The following CCSER1 variants were observed in gnomAD, a reference collection of about 807,000 sequenced individuals.
CCSER1 encodes coiled-coil serine rich protein 1.
In CCSER1, 41 loss-of-function variants were observed where a neutral mutation model predicts 82.0. The ratio of observed to expected loss-of-function variants is 0.50; its 90% confidence interval spans 0.39 to 0.65. The LOEUF (loss-of-function observed/expected upper bound fraction) is 0.65. CCSER1 is among the 30% of genes least tolerant of loss of function. The probability of loss-of-function intolerance (pLI) is 0.00; values close to 1 mark genes in which losing one functional copy is unlikely to be tolerated. For missense variants in CCSER1, 1,119 were observed against 1,064.2 expected (o/e 1.05, Z -0.72); for synonymous variants, 414 against 383.9 (o/e 1.08, Z -0.92).
intron 10 of CCSER1, among the ~76,000 whole-genome samples, chr4:91,452,906 G>A (rs1245768011): frequency 1.3e-5 from 2 of 152,020 alleles, no homozygotes; most frequent in African/African-American, 2.4e-5. Flanking sequence ...CTAAACCTTG[G>A]TAACTGTTGC....
chr4:90,690,783 C>A (rs1735684750), intron 6 of CCSER1, among the ~76,000 whole-genome samples: 1 of 151,940 alleles, frequency 6.6e-6, no homozygotes, highest in African/African-American at 2.4e-5. Flanking sequence ...TGATTTAATT[C>A]CCTAGAATGA....
At chr4:90,182,517 G>A (rs954690992) in intron 1 of CCSER1, among the ~76,000 whole-genome samples, 8 of 152,110 alleles carry the variant, frequency 5.3e-5, no homozygotes, top group African/African-American at 1.9e-4. Flanking sequence ...AGGATATGTT[G>A]TTATATTATC....
chr4:90,640,128 C>T lies in CCSER1; in HGVS notation c.1932+11896C>T, dbSNP rs184017070. ...AAGATAAGCAATCGATTTGGCAATC[C>T]TTTGAAGTTAATTCCAAAAGCATAG... On this transcript the variant is annotated intron_variant, in intron 6 of 10. Coordinates refer to ENST00000509176, the MANE Select transcript of CCSER1 (RefSeq NM_001145065.2). 1.3e-3 allele frequency among the ~76,000 whole-genome samples: 195 copies of T among 152,188 alleles called. 1 individual carries two copies. The highest frequency in any genetic ancestry group is 4.3e-3 in the African/African-American group (180 of 41,542).
chr4:91,467,318 A>G (rs931628549), intron 10 of CCSER1, among the ~76,000 whole-genome samples: 2 of 152,210 alleles, frequency 1.3e-5, no homozygotes, highest in African/African-American at 4.8e-5. Flanking sequence ...CTGAAACTGG[A>G]TCCCTTCCTT....
In CCSER1 at chr4:90,519,166, T is replaced by TATTC. The variant is rs1407620355; in HGVS notation, c.1724+50829_1724+50832dup. ...TAAAATCTCCATTCATTCATTCATTTATTCATTCATTCATTCATTCTGCCT... is the reference window on the plus strand; with the variant it reads ...TAAAATCTCCATTCATTCATTCATTTATTCATTCATTCATTCATTCATTCTGCCT... On this transcript the variant is annotated intron_variant, in intron 5 of 10. Transcript: ENST00000509176. 4.6e-5 allele frequency among the ~76,000 whole-genome samples: 7 copies of TATTC among 151,980 alleles called. No homozygotes were observed. The East Asian group carries it at 9.6e-4, about 21-fold the overall frequency.
intron 10 of CCSER1, among the ~76,000 whole-genome samples, chr4:91,308,080 A>C (rs1745202101): frequency 6.6e-6 from 1 of 151,882 alleles, no homozygotes; most frequent in Admixed American, 6.6e-5. Context: ...CCCCAAATCT[A>C]AGTTTATTTT....
At chr4:90,353,835 A>G (rs1392849052) in intron 3 of CCSER1, among the ~76,000 whole-genome samples, 1 of 152,184 alleles carries the variant, frequency 6.6e-6, no homozygotes, top group Non-Finnish European at 1.5e-5. Context: ...CACCAGAACA[A>G]GTGGCCTCAT....
At chr4:91,170,445 G>A (rs73836867) in intron 10 of CCSER1, among the ~76,000 whole-genome samples, 3 of 152,060 alleles carry the variant, frequency 2.0e-5, no homozygotes, top group Non-Finnish European at 4.4e-5. Context: ...GAAAACACGT[G>A]ACTGTGTTAT....
At chr4:91,402,781 T>A (rs1014435029) in intron 10 of CCSER1, among the ~76,000 whole-genome samples, 1 of 152,236 alleles carries the variant, frequency 6.6e-6, no homozygotes, top group African/African-American at 2.4e-5. Flanking sequence ...AGTGCCATGC[T>A]GTTTTGGTTA....
intron 6 of CCSER1, among the ~76,000 whole-genome samples, chr4:90,635,607 T>G (rs2148954598): frequency 6.6e-6 from 1 of 151,932 alleles, no homozygotes; most frequent in African/African-American, 2.4e-5. Flanking sequence ...TATATTCAAA[T>G]AAAGAGTGCG....
chr4:90,768,776 A>G (rs1751642201), intron 7 of CCSER1, among the ~76,000 whole-genome samples: 1 of 152,184 alleles, frequency 6.6e-6, no homozygotes, highest in Non-Finnish European at 1.5e-5. Context: ...AGACTGGACG[A>G]TTTGCCTAAG....
At chr4:90,140,119 T>C (rs1008305755) in intron 1 of CCSER1, among the ~76,000 whole-genome samples, 4 of 152,208 alleles carry the variant, frequency 2.6e-5, no homozygotes, top group Admixed American at 6.5e-5. Flanking sequence ...TTGCATTGAT[T>C]AAAAGCCACT....
At position 91,351,841 on chromosome 4, in the gene CCSER1, T is replaced by C. The variant is rs149514882; in HGVS notation, c.2218-246731T>C. ...ATATTCATTTGTCCTATTTTGTTTT[T>C]CAAGTTGCATTCCTTTGTGTTCTCC... is the stretch of plus-strand genomic sequence containing the variant. On this transcript the variant is annotated intron_variant, in intron 10 of 10. Coordinates refer to ENST00000509176, the MANE Select transcript of CCSER1 (RefSeq NM_001145065.2). Among the ~76,000 whole-genome samples the C allele has an allele frequency of 4.9e-4, 75 of 152,322 alleles. No individual in the cohort carries two copies. The East Asian group carries it at 0.014, about 29-fold the overall frequency.
chr4:91,180,488 C>A (rs1488188389), intron 10 of CCSER1, among the ~76,000 whole-genome samples: 6 of 152,244 alleles, frequency 3.9e-5, no homozygotes, highest in Non-Finnish European at 8.8e-5. Flanking sequence ...ACTTTGTCTA[C>A]CTACTCAAGC....
chr4:91,361,746 A>C (rs2870310), intron 10 of CCSER1, among the ~76,000 whole-genome samples: 43,248 of 151,370 alleles, frequency 0.29, 6,914 homozygotes, highest in Middle Eastern at 0.44. Context: ...TGTTTTTGCT[A>C]TGAAGACCAT....
chr4:90,168,092 A>C (rs573026347), intron 1 of CCSER1, among the ~76,000 whole-genome samples: 145 of 152,216 alleles, frequency 9.5e-4, no homozygotes, highest in Non-Finnish European at 1.6e-3. Flanking sequence ...GTTCCACCAA[A>C]AGTGTAAAAG....
intron 1 of CCSER1, among the ~76,000 whole-genome samples, chr4:90,163,468 GTTAGT>G (rs1411067302): frequency 6.6e-6 from 1 of 152,046 alleles, no homozygotes; most frequent in African/African-American, 2.4e-5. Context: ...CACGAAATTT[GTTAGT>G]TTATTCTGTT....
intron 8 of CCSER1, among the ~76,000 whole-genome samples, chr4:90,869,798 A>G (rs576264623): frequency 6.6e-6 from 1 of 151,848 alleles, no homozygotes; most frequent in Non-Finnish European, 1.5e-5. Context: ...TTTAGCTAGT[A>G]TGGACATTTT....
At chr4:90,467,886 T>A (rs1406250769) in intron 4 of CCSER1, among the ~76,000 whole-genome samples, 1 of 152,186 alleles carries the variant, frequency 6.6e-6, no homozygotes, top group African/African-American at 2.4e-5. Context: ...TGTTTATTGA[T>A]CTTGATGCTG....
Sources: allele counts gnomAD v4.1 joint callset (sites outside exome capture counted in the v4.1 genomes callset), GRCh38; gene constraint gnomAD v4.1.1; transcripts MANE v1.5; gene names NCBI Gene and HGNC (gene_info 2026-07-23, HGNC 2026-07-21).